Variants in EXO5 observed in about 807,000 individuals in gnomAD.
EXO5 encodes the protein exonuclease 5.
A neutral mutation model predicts 17.8 loss-of-function variants in EXO5; 11 were observed. The ratio of observed to expected loss-of-function variants is 0.62; its 90% CI spans 0.39 to 1.02. EXO5 has a LOEUF of 1.02. Ranked by LOEUF, EXO5 falls within the 50% of genes least tolerant of loss-of-function variation. The pLI, the probability that EXO5 is intolerant of heterozygous loss-of-function variation, is 0.00. For synonymous variants in EXO5, 147 were observed against 166.5 expected, an observed-to-expected ratio of 0.88 and a Z score of 0.90; for missense variants, 364 against 434.8, an observed-to-expected ratio of 0.84 and a Z score of 1.45.
In EXO5 at chr1:40,515,839, G is replaced by A; in HGVS notation, c.*173G>A. ...CCAGGACCAAGGCTCAGGGATGAGTGGGAGAGATGGGTTATACTGTCCCTG... is the reference window on the plus strand; with the variant it reads ...CCAGGACCAAGGCTCAGGGATGAGTAGGAGAGATGGGTTATACTGTCCCTG... On this transcript the variant is annotated 3_prime_UTR_variant, in exon 4 of 4. Transcript: ENST00000415550. The A allele has an allele frequency of 1.1e-5, 7 of 637,758 alleles. No individual in the cohort carries two copies. Among genetic ancestry groups the A allele is most frequent in the Non-Finnish European group, 1.9e-5 (7 of 365,120 alleles). The allele number at this position is 637,758 out of a possible 1,614,324, so 39.5% of individuals were successfully genotyped here. A position where few individuals can be genotyped will look rare whatever the true frequency, so the allele number is the denominator to read the frequency against.
Position 40,515,654 on chromosome 1 carries a change from A to G in EXO5, c.1110A>G (p.Lys370=). 1 of 1,610,856 alleles carries G rather than the reference A, an allele frequency of 6.2e-7. No individual in the cohort carries two copies. Among genetic ancestry groups the G allele is most frequent in the Non-Finnish European group, 8.5e-7 (1 of 1,178,832 alleles). The part of the protein sequence containing the change: ...VLSSTLAPQV[K]KAK Reference sequence around the variant, plus strand: ...GCTCTACACTGGCGCCCCAAGTCAAAAAAGCCAAATGAATAGAAGGTATGC... The same window carrying G: ...GCTCTACACTGGCGCCCCAAGTCAAGAAAGCCAAATGAATAGAAGGTATGC... Residue 370 remains lysine (K), a synonymous_variant, in exon 4 of 4, where the codon AAA becomes AAG. Transcript: ENST00000415550.
At chr1:40,509,272 T>C (rs1645726824) in intron 1 of EXO5, 179 bp from the exon 2 acceptor site, 1 of 152,302 alleles carries the variant, frequency 6.6e-6, no homozygotes. Flanking sequence ...CGGGCCGCAC[T>C]GAACAAGTCA....
chr1:40,514,368 A>G (rs1287373426), intron 3 of EXO5, 147 bp from the exon 4 acceptor site: 1 of 611,300 alleles, frequency 1.6e-6, no homozygotes, highest in African/African-American at 1.8e-5. Flanking sequence ...AACTCAAGGC[A>G]TTACTAATTG....
chr1:40,514,507 T>C lies in EXO5; in HGVS notation c.-30-8T>C. On this transcript the variant is annotated splice_region_variant and splice_polypyrimidine_tract_variant and intron_variant, in intron 3 of 3. Coordinates refer to ENST00000415550, the MANE Select transcript of EXO5 (RefSeq NM_001346953.2). ...TTGAACAATGCATTTCTTTAACATG[T>C]TATGCAGGGCCCTTCTAGCCCAATC... 1 of 1,540,826 alleles carries C rather than the reference T, an allele frequency of 6.5e-7. No individual in the cohort carries two copies. Among genetic ancestry groups the C allele is most frequent in the Non-Finnish European group, 8.7e-7 (1 of 1,146,114 alleles).
Position 40,515,467 on chromosome 1 carries a change from T to A in EXO5, c.923T>A (p.Val308Glu). The A allele has an allele frequency of 6.2e-7, 1 of 1,613,834 alleles. No homozygotes were observed. The highest frequency in any genetic ancestry group is 8.5e-7 in the Non-Finnish European group (1 of 1,179,934). Residue 308 changes from valine (V) to glutamate (E), a missense_variant, in exon 4 of 4, where the codon GTA becomes GAA. Coordinates refer to ENST00000415550, the MANE Select transcript of EXO5 (RefSeq NM_001346953.2). Reference sequence around the variant, plus strand: ...GCCACTGTGCTGGGTACTGAGATTGTAGCCTTCAAAGAGAAGGAGGTGAGA... The same window carrying A: ...GCCACTGTGCTGGGTACTGAGATTGAAGCCTTCAAAGAGAAGGAGGTGAGA... ...ETATVLGTEI[V>E]AFKEKEVRAK...
intron 3 of EXO5, among the ~76,000 whole-genome samples, chr1:40,513,879 C>T (rs1006370356): frequency 6.6e-6 from 1 of 151,900 alleles, no homozygotes; most frequent in African/African-American, 2.4e-5. Flanking sequence ...GTGAGCCACC[C>T]GCCCCGCCTC....
At chr1:40,512,996 T>G (rs1290317637) in intron 3 of EXO5, among the ~76,000 whole-genome samples, 4 of 152,186 alleles carry the variant, frequency 2.6e-5, no homozygotes, top group Non-Finnish European at 5.9e-5. Context: ...TAGTGAGATA[T>G]TGGATGTAAA....
chr1:40,513,956 A>G (rs1164824902), intron 3 of EXO5, among the ~76,000 whole-genome samples: 1 of 152,034 alleles, frequency 6.6e-6, no homozygotes, highest in Non-Finnish European at 1.5e-5. Flanking sequence ...CACACACAGT[A>G]TGTTAGTGGA....
chr1:40,513,070 G>A (rs1010248941), intron 3 of EXO5, among the ~76,000 whole-genome samples: 9 of 152,170 alleles, frequency 5.9e-5, no homozygotes, highest in Admixed American at 5.2e-4. Flanking sequence ...TATTATAGCA[G>A]TAAATTTTGA....
chr1:40,515,325 G>GCCCA lies in EXO5; in HGVS notation c.781_782insCCCA (p.Gly261AlafsTer11). ...ATCAGTGCTGAGGCATGCCCAGCAG[G>GCCCA]GAGGCTTCTCTGTGAAGTCTTTGGG... is the stretch of plus-strand genomic sequence containing the variant. On this transcript the variant is annotated frameshift_variant, in exon 4 of 4. Transcript: ENST00000415550. LOFTEE classifies it high-confidence loss of function. The GCCCA allele has an allele frequency of 6.2e-7, 1 of 1,613,976 alleles. No individual in the cohort carries two copies. The highest frequency in any genetic ancestry group is 8.5e-7 in the Non-Finnish European group (1 of 1,180,016).
At position 40,515,289 on chromosome 1, in the gene EXO5, C is replaced by T. The variant is rs1337477248; in HGVS notation, c.745C>T (p.Pro249Ser). ...CCACACAAAGTTGTGTCTAGAAAAG[C>T]CACTGGGGCCATCAGTGCTGAGGCA... ...IHHTKLCLEK[P>S]LGPSVLRHAQ... The change falls in exon 4 of 4, where the codon CCA becomes TCA. Residue 249 changes from proline to serine, a missense_variant. Pro to Ser is a moderately conservative substitution (Grantham distance 74). Transcript: ENST00000415550. 6.2e-7 allele frequency: 1 copy of T among 1,614,130 alleles called. No homozygotes were observed. The highest frequency in any genetic ancestry group is 8.5e-7 in the Non-Finnish European group (1 of 1,180,032).
intron 3 of EXO5, among the ~76,000 whole-genome samples, chr1:40,510,926 T>C (rs1004367153): frequency 1.3e-5 from 2 of 152,198 alleles, no homozygotes; most frequent in African/African-American, 4.8e-5. Context: ...AAATACCTCA[T>C]AGCATATGTG....
rs1236299444 is a variant in EXO5, at chr1:40,514,957, C to A, written c.413C>A (p.Thr138Asn). ...GATCTTGTGACTGTCCCAGTCACCACTAAAGAAGATGCTTGGGCAATTAAG... is the reference window on the plus strand; with the variant it reads ...GATCTTGTGACTGTCCCAGTCACCAATAAAGAAGATGCTTGGGCAATTAAG... ...LHDLVTVPVTTKEDAWAIKFL... is the reference protein window; with the variant it reads ...LHDLVTVPVTNKEDAWAIKFL... The change falls in exon 4 of 4, where the codon ACT becomes AAT. Residue 138 changes from threonine to asparagine, a missense_variant. Coordinates refer to ENST00000415550, the MANE Select transcript of EXO5 (RefSeq NM_001346953.2). 6 of 1,613,878 alleles carry A rather than the reference C, an allele frequency of 3.7e-6. No homozygotes were observed. The highest frequency in any genetic ancestry group is 5.1e-6 in the Non-Finnish European group (6 of 1,179,928).
At chr1:40,511,418 A>G (rs1011981103) in intron 3 of EXO5, among the ~76,000 whole-genome samples, 4 of 152,238 alleles carry the variant, frequency 2.6e-5, no homozygotes, top group African/African-American at 9.6e-5. Context: ...TTTTGTTACT[A>G]TTGAAATATC....
At position 40,514,649 on chromosome 1, in the gene EXO5, A is replaced by G. The variant is rs1645844429; in HGVS notation, c.105A>G (p.Gln35=). 2 of 1,614,228 alleles carry G rather than the reference A, an allele frequency of 1.2e-6. No individual in the cohort carries two copies. Among genetic ancestry groups the G allele is most frequent in the Non-Finnish European group, 1.7e-6 (2 of 1,180,038 alleles). ...AGTTTCTGGACCTAGAAGATGCCCA[A>G]GAGTCAAAGGCTTTAGTTAACATGC... ...FLEFLDLEDA[Q]ESKALVNMPG... Residue 35 remains glutamine (Q), a synonymous_variant, in exon 4 of 4, where the codon CAA becomes CAG. Transcript: ENST00000415550.
chr1:40,514,564 A>G lies in EXO5; in HGVS notation c.20A>G (p.Glu7Gly). MAETREEETVSAEASGF... is the reference protein window; with the variant it reads MAETREGETVSAEASGF... ...TGTACCATGGCAGAGACAAGAGAAG[A>G]GGAGACAGTGTCAGCAGAAGCCTCA... Residue 7 changes from glutamate (E) to glycine (G), a missense_variant, in exon 4 of 4, where the codon GAG becomes GGG. Glu to Gly is a moderately conservative substitution (Grantham distance 98). Transcript: ENST00000415550. 6.2e-7 allele frequency: 1 copy of G among 1,613,678 alleles called. No individual in the cohort carries two copies. The highest frequency in any genetic ancestry group is 8.5e-7 in the Non-Finnish European group (1 of 1,179,880).
intron 3 of EXO5, among the ~76,000 whole-genome samples, chr1:40,511,236 AAAAAT>A (rs1365908336): frequency 2.6e-4 from 40 of 152,356 alleles, no homozygotes; most frequent in African/African-American, 3.4e-4. Flanking sequence ...CTCTGTCTCA[AAAAAT>A]AAAATAAAAG....
intron 2 of EXO5, 39 bp downstream of exon 2, chr1:40,509,664 G>A (rs1188363061): frequency 1.3e-5 from 2 of 152,236 alleles, no homozygotes; most frequent in Non-Finnish European, 2.9e-5. Context: ...ACCATAGCAA[G>A]GACCTAAGTT....
intron 3 of EXO5, among the ~76,000 whole-genome samples, chr1:40,512,351 T>C (rs1645794847): frequency 6.6e-6 from 1 of 152,194 alleles, no homozygotes; most frequent in Non-Finnish European, 1.5e-5. Context: ...TGTGATAATG[T>C]AGTTATGAGG....
Sources: gnomAD v4.1 joint callset for allele counts (sites outside exome capture counted in the v4.1 genomes callset) on GRCh38, gnomAD v4.1.1 for gene constraint, MANE v1.5 for transcripts, NCBI Gene and HGNC (gene_info 2026-07-23, HGNC 2026-07-21) for gene names.